DCC: variants seen among roughly 807,000 people sequenced by gnomAD.
DCC encodes the protein DCC netrin 1 receptor.
In DCC, 58 loss-of-function variants were observed where a neutral mutation model predicts 172.5. The ratio of observed to expected loss-of-function variants is 0.34; its 90% confidence interval spans 0.27 to 0.42. The LOEUF is 0.42. Among genes scored for constraint, DCC ranks in the 10% least tolerant of loss-of-function variants. The probability of loss-of-function intolerance (pLI) is 1.00; values close to 1 mark genes in which losing one functional copy is unlikely to be tolerated. For missense variants in DCC, 1,740 were observed against 1,791.0 expected (o/e 0.97, Z 0.51); for synonymous variants, 709 against 644.5 (o/e 1.10, Z -1.52).
At chr18:53,387,986 T>C (rs190610227) in intron 16 of DCC, among the ~76,000 whole-genome samples, 1 of 152,318 alleles carries the variant, frequency 6.6e-6, no homozygotes, top group Non-Finnish European at 1.5e-5. Context: ...CTGGAGTCAT[T>C]ATCAGCTTCA....
chr18:53,156,193 A>G (rs2054731398), intron 7 of DCC, among the ~76,000 whole-genome samples: 1 of 152,128 alleles, frequency 6.6e-6, no homozygotes, highest in Non-Finnish European at 1.5e-5. Context: ...ATTTTAAAGA[A>G]TCACCTTGGG....
chr18:52,916,879 A>G (rs1330625495), intron 3 of DCC, among the ~76,000 whole-genome samples: 1 of 152,140 alleles, frequency 6.6e-6, no homozygotes, highest in Non-Finnish European at 1.5e-5. Flanking sequence ...TAAACCAATA[A>G]TTTTTAAGAT....
chr18:52,499,697 A>T (rs1289013723), intron 1 of DCC, among the ~76,000 whole-genome samples: 1 of 152,038 alleles, frequency 6.6e-6, no homozygotes, highest in Non-Finnish European at 1.5e-5. Flanking sequence ...CTGTGAGTTG[A>T]TTCCCTAGAG....
intron 1 of DCC, among the ~76,000 whole-genome samples, chr18:52,404,792 C>T (rs948143779): frequency 1.4e-5 from 2 of 148,090 alleles, no homozygotes; most frequent in Non-Finnish European, 3.0e-5. Context: ...AGGTATATCT[C>T]CCAATGCTAT....
chr18:53,275,785 C>T (rs761612458), intron 12 of DCC, among the ~76,000 whole-genome samples: 5 of 152,018 alleles, frequency 3.3e-5, no homozygotes, highest in African/African-American at 4.8e-5. Flanking sequence ...AGGGTCATCG[C>T]TGATAATGTG....
chr18:52,792,949 T>C (rs577034046), intron 2 of DCC, among the ~76,000 whole-genome samples: 151 of 151,974 alleles, frequency 9.9e-4, no homozygotes, highest in Non-Finnish European at 1.8e-3. Context: ...CCCTTTCTTT[T>C]AGAAAGAAGT....
chr18:53,018,322 T>C (rs956829679), intron 5 of DCC, among the ~76,000 whole-genome samples: 15 of 152,316 alleles, frequency 9.8e-5, no homozygotes, highest in African/African-American at 3.4e-4. Context: ...GTCAGCTGCG[T>C]TGGTTTTACC....
intron 25 of DCC, among the ~76,000 whole-genome samples, chr18:53,481,563 G>A (rs572863472): frequency 1.3e-5 from 2 of 152,216 alleles, no homozygotes; most frequent in South Asian, 2.1e-4. Flanking sequence ...ACAGGTCATT[G>A]TGGAAAAGAG....
intron 13 of DCC, among the ~76,000 whole-genome samples, chr18:53,309,968 A>G (rs2057247337): frequency 6.8e-6 from 1 of 147,758 alleles, no homozygotes; most frequent in South Asian, 2.1e-4. Context: ...GTGTGTGTAT[A>G]TATATATATA....
rs2040073882 is a variant in DCC, at chr18:52,918,580, T to C, written c.698-5127T>C. Among the ~76,000 whole-genome samples the C allele has an allele frequency of 2.0e-5, 3 of 152,180 alleles. 1 individual carries two copies. In the South Asian group the frequency reaches 6.2e-4, roughly 32 times the overall value. On this transcript the variant is annotated intron_variant, in intron 3 of 28. Transcript: ENST00000442544. ...TCTGTACTCTAAGAATACTACATGT[T>C]ATTTTAAAACCTTTAGAAAATACGC...
chr18:53,245,190 T>C (rs995884255), intron 12 of DCC, among the ~76,000 whole-genome samples: 2 of 152,194 alleles, frequency 1.3e-5, no homozygotes, highest in Non-Finnish European at 2.9e-5. Flanking sequence ...TGTGAAGTTA[T>C]GATTTGTTCA....
intron 1 of DCC, among the ~76,000 whole-genome samples, chr18:52,428,565 G>T (rs1394433344): frequency 6.6e-6 from 1 of 152,102 alleles, no homozygotes; most frequent in East Asian, 1.9e-4. Flanking sequence ...AGAGTTTAAT[G>T]GATAATTTAA....
chr18:52,994,983 A>C (rs1162745801), intron 5 of DCC, among the ~76,000 whole-genome samples: 1 of 152,116 alleles, frequency 6.6e-6, no homozygotes, highest in African/African-American at 2.4e-5. Flanking sequence ...ATAATCCTCA[A>C]TTGTATTTTA....
intron 27 of DCC, among the ~76,000 whole-genome samples, chr18:53,512,814 A>G (rs1464478285): frequency 6.6e-6 from 1 of 151,472 alleles, no homozygotes; most frequent in East Asian, 1.9e-4. Context: ...GACTATGTGA[A>G]AAGACCAAAT....
At chr18:53,448,576 C>G (rs545205298) in intron 22 of DCC, among the ~76,000 whole-genome samples, 1 of 152,182 alleles carries the variant, frequency 6.6e-6, no homozygotes, top group East Asian at 1.9e-4. Flanking sequence ...CAGTATTATT[C>G]CTAAAAATGT....
chr18:53,475,813 T>C (rs1359812750), intron 25 of DCC, among the ~76,000 whole-genome samples: 1 of 152,116 alleles, frequency 6.6e-6, no homozygotes, highest in Non-Finnish European at 1.5e-5. Flanking sequence ...GACTCTGTAA[T>C]GGTAGATCCA....
chr18:53,180,832 C>T (rs1166821399), intron 9 of DCC, among the ~76,000 whole-genome samples: 4 of 151,996 alleles, frequency 2.6e-5, no homozygotes, highest in Non-Finnish European at 5.9e-5. Context: ...AGGCTGGTCT[C>T]GAACTCCTGA....
At chr18:52,392,222 A>G (rs1472469581) in intron 1 of DCC, among the ~76,000 whole-genome samples, 1 of 152,122 alleles carries the variant, frequency 6.6e-6, no homozygotes, top group African/African-American at 2.4e-5. Context: ...AATTGTCTTG[A>G]GGTTCTTGAT....
intron 14 of DCC, among the ~76,000 whole-genome samples, chr18:53,328,682 C>A (rs906206529): frequency 6.6e-6 from 1 of 152,028 alleles, no homozygotes; most frequent in African/African-American, 2.4e-5. Flanking sequence ...TTACAGGCAT[C>A]CACCACCATG....
Sources: gnomAD v4.1 joint callset for allele counts (sites outside exome capture counted in the v4.1 genomes callset) on GRCh38, gnomAD v4.1.1 for gene constraint, MANE v1.5 for transcripts, NCBI Gene and HGNC (gene_info 2026-07-23, HGNC 2026-07-21) for gene names.